REV1: variants seen among roughly 807,000 people sequenced by gnomAD.
REV1 encodes translesion synthesis protein REV1.
REV1 carries 42 observed loss-of-function variants against 137.4 expected under a neutral mutation model. The ratio of observed to expected loss-of-function variants is 0.31; its 90% CI spans 0.24 to 0.40. The LOEUF (loss-of-function observed/expected upper bound fraction) is 0.40. Ranked by LOEUF, REV1 falls within the 10% of genes least tolerant of loss-of-function variation. The pLI, the probability that REV1 is intolerant of heterozygous loss-of-function variation, is 1.00. For missense variants in REV1, 1,282 were observed against 1,490.1 expected (o/e 0.86, Z 2.30); for synonymous variants, 524 against 519.2 (o/e 1.01, Z -0.12).
chr2:99,430,184 G>T (rs891218736), intron 8 of REV1, among the ~76,000 whole-genome samples: 5 of 151,546 alleles, frequency 3.3e-5, no homozygotes, highest in Non-Finnish European at 5.9e-5. Context: ...GTCCTGGGAG[G>T]TTTGTTTTTT....
intron 4 of REV1, among the ~76,000 whole-genome samples, chr2:99,443,975 C>T (rs1017203556): frequency 5.3e-5 from 8 of 152,092 alleles, no homozygotes; most frequent in African/African-American, 1.2e-4. Flanking sequence ...CCTGCCACCA[C>T]GCCCGGCTAA....
intron 1 of REV1, among the ~76,000 whole-genome samples, chr2:99,487,115 G>C (rs2104331762): frequency 6.6e-6 from 1 of 152,312 alleles, no homozygotes; most frequent in Middle Eastern, 3.4e-3. Context: ...CCAGCTAAAA[G>C]AATAGTAAGT....
At chr2:99,446,997 T>C (rs1428233066) in intron 4 of REV1, among the ~76,000 whole-genome samples, 1 of 152,108 alleles carries the variant, frequency 6.6e-6, no homozygotes, top group Non-Finnish European at 1.5e-5. Context: ...AAGAGACACA[T>C]ACCTAAAAGC....
At chr2:99,423,877 C>A (rs1202435406) in intron 10 of REV1, among the ~76,000 whole-genome samples, 1 of 152,136 alleles carries the variant, frequency 6.6e-6, no homozygotes. Context: ...AAAACCAGAA[C>A]CACAGACTAG....
In REV1 at chr2:99,412,843, G is replaced by C; in HGVS notation, c.2060C>G (p.Thr687Arg). The C allele has an allele frequency of 6.2e-7, 1 of 1,614,084 alleles. No homozygotes were observed. The highest frequency in any genetic ancestry group is 8.5e-7 in the Non-Finnish European group (1 of 1,179,954). Residue 687 changes from threonine (T) to arginine (R), a missense_variant, in exon 13 of 23, where the codon ACA becomes AGA. By Grantham distance (71) the Thr-to-Arg change is moderately conservative. Around this residue, in one of 7 missense-constraint regions of REV1, gnomAD observed 372 missense variants for 482.3 expected, o/e 0.77. Transcript: ENST00000258428. ...GCAGAACCTATAAAGCATCTGACCT[G>C]TTTTGGGACCAAATTCTTTTTGGAG... The part of the protein sequence containing the change: ...AKLQKEFGPK[T>R]GQMLYRFCRG...
chr2:99,427,701 A>G (rs1679564345), intron 9 of REV1, among the ~76,000 whole-genome samples: 1 of 152,222 alleles, frequency 6.6e-6, no homozygotes, highest in South Asian at 2.1e-4. Context: ...TATTTTCTAG[A>G]AACTTTCACT....
chr2:99,416,304 T>G (rs1012480732), intron 12 of REV1, among the ~76,000 whole-genome samples: 1 of 152,252 alleles, frequency 6.6e-6, no homozygotes, highest in Non-Finnish European at 1.5e-5. Context: ...CCCAGGACTT[T>G]CACTGTACAA....
At chr2:99,424,535 T>C in intron 9 of REV1, 2 of 468,276 alleles carry the variant, frequency 4.3e-6, no homozygotes, top group Non-Finnish European at 7.4e-6. Flanking sequence ...CTCTTGTATC[T>C]GAAGCTTTCT....
intron 1 of REV1, among the ~76,000 whole-genome samples, chr2:99,465,920 T>C (rs1358847542): frequency 2.0e-5 from 3 of 152,102 alleles, no homozygotes; most frequent in South Asian, 4.1e-4. Context: ...CATTAGCAGA[T>C]AATTTCTTTC....
Position 99,438,655 on chromosome 2 carries a change from C to T in REV1, c.1159G>A (p.Glu387Lys). The T allele has an allele frequency of 6.2e-7, 1 of 1,613,980 alleles. No individual in the cohort carries two copies. The highest frequency in any genetic ancestry group is 1.1e-5 in the South Asian group (1 of 91,072). Residue 387 changes from glutamate to lysine, a missense_variant, in exon 6 of 23, where the codon GAA becomes AAA. Physicochemically the swap from Glu to Lys is moderately conservative, Grantham distance 56 (BLOSUM62 1). Coordinates refer to ENST00000258428, the MANE Select transcript of REV1 (RefSeq NM_016316.4). ...RQSNGIFPGR[E>K]KLKKMKTGRS... ...CCTGTTTTCATTTTTTTTAACTTTT[C>T]CCTTCCTGGAAAGATACCATTACTT...
intron 1 of REV1, among the ~76,000 whole-genome samples, chr2:99,469,755 A>G (rs576908541): frequency 6.6e-6 from 1 of 152,218 alleles, no homozygotes; most frequent in Admixed American, 6.5e-5. Context: ...CTATCAGTTC[A>G]TTCTAAACTT....
chr2:99,472,452 T>C (rs1293992384), intron 1 of REV1, among the ~76,000 whole-genome samples: 1 of 152,178 alleles, frequency 6.6e-6, no homozygotes, highest in Non-Finnish European at 1.5e-5. Flanking sequence ...AGATGGATAG[T>C]GGTGATGGTT....
chr2:99,466,096 C>A (rs534749791), intron 1 of REV1, among the ~76,000 whole-genome samples: 4 of 152,072 alleles, frequency 2.6e-5, no homozygotes, highest in Admixed American at 2.6e-4. Flanking sequence ...TGCCCGCCAC[C>A]ACGCCCGATT....
chr2:99,490,189 T>G (rs1281026660), upstream of REV1, among the ~76,000 whole-genome samples: 2 of 150,002 alleles, frequency 1.3e-5, no homozygotes, highest in Admixed American at 6.6e-5. Context: ...GGCGTCGGCC[T>G]CCGTGTTCCT....
chr2:99,462,480 G>A lies in REV1; in HGVS notation c.181+16C>T, dbSNP rs3087382. The stretch of plus-strand genomic sequence containing the variant: ...AAAATACATGCCAAAATAGGGTTAA[G>A]TAAAAAGTACTCAACCTGTGTATCC... On this transcript the variant is annotated intron_variant, in intron 3 of 22. Coordinates refer to ENST00000258428, the MANE Select transcript of REV1 (RefSeq NM_016316.4). 2.6e-5 allele frequency: 41 copies of A among 1,590,528 alleles called. No homozygotes were observed. Among genetic ancestry groups the A allele is most frequent in the Non-Finnish European group, 3.5e-5 (41 of 1,173,192 alleles).
chr2:99,484,509 G>C (rs111913801), intron 1 of REV1, among the ~76,000 whole-genome samples: 19 of 152,220 alleles, frequency 1.2e-4, no homozygotes, highest in African/African-American at 4.3e-4. Context: ...TAAATCTAAT[G>C]TATTATATGC....
At chr2:99,441,869 T>C (rs1201178552) in intron 5 of REV1, among the ~76,000 whole-genome samples, 1 of 152,196 alleles carries the variant, frequency 6.6e-6, no homozygotes, top group Non-Finnish European at 1.5e-5. Flanking sequence ...CATACACACA[T>C]ATTTCAACAT....
At chr2:99,463,608 C>T (rs1274960893) in intron 2 of REV1, among the ~76,000 whole-genome samples, 1 of 152,114 alleles carries the variant, frequency 6.6e-6, no homozygotes, top group Admixed American at 6.6e-5. Context: ...ACAAATTTGA[C>T]AAGTGGTCTC....
At chr2:99,459,323 G>C (rs773794208) in intron 3 of REV1, among the ~76,000 whole-genome samples, 3 of 152,098 alleles carry the variant, frequency 2.0e-5, no homozygotes, top group Non-Finnish European at 4.4e-5. Context: ...TACCATTTGG[G>C]GAAACTGGGT....
Sources: allele counts gnomAD v4.1 joint callset (sites outside exome capture counted in the v4.1 genomes callset), GRCh38; gene constraint gnomAD v4.1.1; regional missense constraint gnomAD v4.1.1; transcripts MANE v1.5; gene names NCBI Gene and HGNC (gene_info 2026-07-23, HGNC 2026-07-21).